The following ZNF592 variants were observed in gnomAD, a reference collection of about 807,000 sequenced individuals.
ZNF592 encodes zinc finger protein 592, also known as spinocerebellar ataxia, autosomal recessive 5.
ZNF592 carries 11 observed loss-of-function variants against 80.3 expected under a neutral mutation model. That is an observed-to-expected ratio of 0.14 (90% CI 0.09 to 0.23). ZNF592 has a LOEUF of 0.23. Among genes scored for constraint, ZNF592 ranks in the 10% least tolerant of loss-of-function variants. ZNF592 has a pLI of 1.00. For missense variants in ZNF592, 1,420 were observed against 1,633.9 expected, an observed-to-expected ratio of 0.87 and a Z score of 2.26; for synonymous variants, 646 against 640.3, an observed-to-expected ratio of 1.01 and a Z score of -0.13.
At position 84,802,001 on chromosome 15, in the gene ZNF592, G is replaced by A. The variant is rs763050953; in HGVS notation, c.3412G>A (p.Glu1138Lys). Residue 1138 changes from glutamate (E) to lysine (K), a missense_variant, in exon 11 of 11, where the codon GAG becomes AAG. Glu to Lys is a moderately conservative substitution (Grantham distance 56, BLOSUM62 1). Around this residue, in one of 7 missense-constraint regions of ZNF592, gnomAD observed 145 missense variants for 211.9 expected, o/e 0.68. Transcript: ENST00000560079. The part of the protein sequence containing the change: ...KCSFATDSGL[E>K]FQSHIPQHQV... ...TAGTTTTGCCACAGACTCGGGGCTC[G>A]AGTTTCAGAGCCACATACCTCAGCA... 6.8e-6 allele frequency: 11 copies of A among 1,613,812 alleles called. No individual in the cohort carries two copies. Among genetic ancestry groups the A allele is most frequent in the Middle Eastern group, 1.6e-4 (1 of 6,074 alleles).
Position 84,784,294 on chromosome 15 carries a change from T to C in ZNF592, c.1619T>C (p.Leu540Pro), listed in dbSNP as rs760542477. 16 of 1,614,146 alleles carry C rather than the reference T, an allele frequency of 9.9e-6. No homozygotes were observed. Among genetic ancestry groups the C allele is most frequent in the African/African-American group, 8.0e-5 (6 of 74,944 alleles). The change falls in exon 4 of 11, where the codon CTG becomes CCG. Residue 540 changes from leucine to proline, a missense_variant. Leu to Pro is a moderately conservative substitution (Grantham distance 98). Coordinates refer to ENST00000560079, the MANE Select transcript of ZNF592 (RefSeq NM_014630.3). This position sits in a 1 kb window ranked among gnomAD's most constrained non-coding sequence, Gnocchi z 5.8. ...CAGCTTACACAAATGTCGGTGCCCC[T>C]GGTCCACCAGGTGAAAAAGGCTGCC... Reference protein sequence around the residue: ...QPQLTQMSVPLVHQVKKAAPL... With the variant: ...QPQLTQMSVPPVHQVKKAAPL...
chr15:84,784,491 T>C lies in ZNF592; in HGVS notation c.1816T>C (p.Tyr606His). Residue 606 changes from tyrosine to histidine, a missense_variant, in exon 4 of 11, where the codon TAT (tyrosine) becomes CAT (histidine). Coordinates refer to ENST00000560079, the MANE Select transcript of ZNF592 (RefSeq NM_014630.3). This position sits in a 1 kb window ranked among gnomAD's most constrained non-coding sequence, Gnocchi z 5.8. ...CTTAGAGAAGAGCCTGAGCCAGCAC[T>C]ATGGCCGGCGGAGCGTCCACATTGA... ...FALEKSLSQH[Y>H]GRRSVHIEVL... 1 of 1,614,182 alleles carries C rather than the reference T, an allele frequency of 6.2e-7. No homozygotes were observed. The highest frequency in any genetic ancestry group is 8.5e-7 in the Non-Finnish European group (1 of 1,180,040).
intron 4 of ZNF592, among the ~76,000 whole-genome samples, chr15:84,785,333 ACGGAGT>A (rs1020174394): frequency 2.7e-5 from 4 of 149,590 alleles, no homozygotes; most frequent in Non-Finnish European, 5.9e-5. Flanking sequence ...TTTTCTTGAG[ACGGAGT>A]CTCACTCTGT....
At chr15:84,792,313 G>A (rs1962772122) in intron 5 of ZNF592, among the ~76,000 whole-genome samples, 1 of 151,468 alleles carries the variant, frequency 6.6e-6, no homozygotes, top group African/African-American at 2.4e-5. Context: ...ACATTTTCCA[G>A]CGGACATTGA....
In ZNF592 at chr15:84,798,438, G is replaced by T. The variant is rs139338244; in HGVS notation, c.2700G>T (p.Leu900Phe). 1.5e-4 allele frequency: 249 copies of T among 1,614,138 alleles called. No individual in the cohort carries two copies. Among genetic ancestry groups the T allele is most frequent in the Admixed American group, 6.7e-4 (40 of 60,022 alleles). The change falls in exon 7 of 11, where the codon TTG becomes TTT. Residue 900 changes from leucine (L) to phenylalanine (F), a missense_variant. Around this residue, in one of 7 missense-constraint regions of ZNF592, gnomAD observed 331 missense variants for 347.0 expected, o/e 0.95. Transcript: ENST00000560079. The surrounding 1 kb of genome is among the most constrained non-coding windows in gnomAD (Gnocchi z 4.5). Reference protein sequence around the residue: ...GVFKCPECPLLFVQKPELMQH... With the variant: ...GVFKCPECPLFFVQKPELMQH... Reference sequence around the variant, plus strand: ...TCAAGTGCCCTGAGTGCCCACTCTTGTTCGTGCAGAAGCCGGAGTTGATGC... The same window carrying T: ...TCAAGTGCCCTGAGTGCCCACTCTTTTTCGTGCAGAAGCCGGAGTTGATGC...
rs1962471812 is a variant in ZNF592, at chr15:84,783,199, G to T, written c.524G>T (p.Cys175Phe). The T allele has an allele frequency of 6.2e-7, 1 of 1,614,112 alleles. No individual in the cohort carries two copies. The highest frequency in any genetic ancestry group is 1.7e-5 in the Admixed American group (1 of 60,014). ...SDSYFPPPLG[C>F]GAVGGPVLEA... ...AGTTATTTCCCACCCCCTCTTGGGT[G>T]CGGGGCTGTGGGAGGCCCAGTCCTG... Residue 175 changes from cysteine (C) to phenylalanine (F), a missense_variant, in exon 4 of 11, where the codon TGC (cysteine) becomes TTC (phenylalanine). Coordinates refer to ENST00000560079, the MANE Select transcript of ZNF592 (RefSeq NM_014630.3). The surrounding 1 kb of genome is among the most constrained non-coding windows in gnomAD (Gnocchi z 5.0).
rs953458086 is a variant in ZNF592 at position 84,798,991 on chromosome 15, G to A, written c.3025-107G>A. 2 of 1,590,762 alleles carry A rather than the reference G, an allele frequency of 1.3e-6. No homozygotes were observed. Among genetic ancestry groups the A allele is most frequent in the Non-Finnish European group, 1.7e-6 (2 of 1,160,862 alleles). ...GCAGGGTGGGTACCACAGATCTTGA[G>A]GTCTTCGGGAGTATCCTCCTTTCTG... On this transcript the variant is annotated intron_variant, in intron 8 of 10. Transcript: ENST00000560079. This position sits in a 1 kb window ranked among gnomAD's most constrained non-coding sequence, Gnocchi z 4.5.
chr15:84,775,668 G>T (rs1315068991), intron 2 of ZNF592, among the ~76,000 whole-genome samples: 2 of 152,146 alleles, frequency 1.3e-5, no homozygotes, highest in Non-Finnish European at 2.9e-5. Context: ...GACCTCAAGT[G>T]ATCTGCCCAC....
At chr15:84,794,431 T>C (rs1294686556) in intron 5 of ZNF592, among the ~76,000 whole-genome samples, 4 of 152,188 alleles carry the variant, frequency 2.6e-5, no homozygotes, top group African/African-American at 9.7e-5. Flanking sequence ...AAATGGTATC[T>C]TGTTTCCCTG....
chr15:84,793,749 T>A (rs1281023405), intron 5 of ZNF592, among the ~76,000 whole-genome samples: 2 of 152,238 alleles, frequency 1.3e-5, no homozygotes, highest in Non-Finnish European at 2.9e-5. Flanking sequence ...ATAGCTCTTC[T>A]GGACATGTCA....
intron 5 of ZNF592, among the ~76,000 whole-genome samples, chr15:84,792,732 C>T (rs530840665): frequency 8.0e-4 from 122 of 152,272 alleles, no homozygotes; most frequent in Non-Finnish European, 1.4e-3. Context: ...GGATTACAGG[C>T]GTGAGCCACC....
chr15:84,762,665 A>G lies in ZNF592; in HGVS notation c.-258-2042A>G, dbSNP rs73455522. Among the ~76,000 whole-genome samples, 1,412 of 152,284 alleles carry G rather than the reference A, an allele frequency of 9.3e-3. 23 individuals carry two copies. Among genetic ancestry groups the G allele is most frequent in the African/African-American group, 0.033 (1,354 of 41,552 alleles). On this transcript the variant is annotated intron_variant, in intron 1 of 10. Transcript: ENST00000560079. ...CCCTGTATTTGGTGGAGAGATTTGAAGGGTAACTGTGAGTAGGAGACTTCA... is the reference window on the plus strand; with the variant it reads ...CCCTGTATTTGGTGGAGAGATTTGAGGGGTAACTGTGAGTAGGAGACTTCA...
intron 1 of ZNF592, among the ~76,000 whole-genome samples, chr15:84,761,117 C>A (rs888785397): frequency 2.0e-5 from 3 of 152,152 alleles, no homozygotes; most frequent in Admixed American, 6.5e-5. Flanking sequence ...GCATGCGTCA[C>A]CACACCTGGC....
In ZNF592 at chr15:84,798,667, G is replaced by T; in HGVS notation, c.2816G>T (p.Gly939Val). ...SSADTSSSRP[G>V]SRVPTEPPAT... The stretch of plus-strand genomic sequence containing the variant: ...GCGGACACATCCTCAAGCCGCCCTG[G>T]CTCTCGAGTTCCCACTGAGCCACCA... The change falls in exon 8 of 11, where the codon GGC becomes GTC. Residue 939 changes from glycine to valine, a missense_variant. Physicochemically the swap from Gly to Val is moderately radical, Grantham distance 109. Around this residue, in one of 7 missense-constraint regions of ZNF592, gnomAD observed 331 missense variants for 347.0 expected, o/e 0.95. Transcript: ENST00000560079. The surrounding 1 kb of genome is among the most constrained non-coding windows in gnomAD (Gnocchi z 4.5). 6.2e-7 allele frequency: 1 copy of T among 1,613,798 alleles called. No individual in the cohort carries two copies. Among genetic ancestry groups the T allele is most frequent in the Non-Finnish European group, 8.5e-7 (1 of 1,180,022 alleles).
intron 1 of ZNF592, among the ~76,000 whole-genome samples, chr15:84,760,004 A>G (rs942943609): frequency 2.1e-5 from 3 of 143,160 alleles, no homozygotes; most frequent in African/African-American, 7.7e-5. Flanking sequence ...CTTAGTTTAG[A>G]AAATTTGGGA....
intron 1 of ZNF592, 21 bp downstream of exon 1, chr15:84,748,685 G>A (rs1331994333): frequency 2.0e-5 from 3 of 147,856 alleles, no homozygotes; most frequent in Admixed American, 6.8e-5. Flanking sequence ...CCCGCGGGCC[G>A]GGCCGAGCGG....
chr15:84,755,081 C>T (rs959968030), intron 1 of ZNF592, among the ~76,000 whole-genome samples: 5 of 149,402 alleles, frequency 3.3e-5, no homozygotes, highest in South Asian at 2.1e-4. Flanking sequence ...TCTCAGCCTC[C>T]GGAGTAGCTG....
At position 84,799,398 on chromosome 15, in the gene ZNF592, GCTCCTGAGCC is replaced by G. The variant is rs1963029071; in HGVS notation, c.3137+192_3137+201del. On this transcript the variant is annotated intron_variant, in intron 9 of 10. Coordinates refer to ENST00000560079, the MANE Select transcript of ZNF592 (RefSeq NM_014630.3). The surrounding 1 kb of genome is among the most constrained non-coding windows in gnomAD (Gnocchi z 4.2). The stretch of plus-strand genomic sequence containing the variant: ...AAAAATCAGCTTCCAGAACCTGGTA[GCTCCTGAGCC>G]CTCTCTCGTCACTCTCTAGCCCAGG... 6.6e-6 allele frequency among the ~76,000 whole-genome samples: 1 copy of G among 152,198 alleles called. No individual in the cohort carries two copies. The highest frequency in any genetic ancestry group is 6.5e-5 in the Admixed American group (1 of 15,280).
chr15:84,772,606 A>T (rs1962116477), intron 2 of ZNF592, among the ~76,000 whole-genome samples: 1 of 152,186 alleles, frequency 6.6e-6, no homozygotes, highest in Non-Finnish European at 1.5e-5. Context: ...TGCAACACAA[A>T]TGATATCAGT....
Sources: gnomAD v4.1 joint callset for allele counts (sites outside exome capture counted in the v4.1 genomes callset) on GRCh38, gnomAD v4.1.1 for gene constraint, gnomAD v4.1.1 regional missense constraint, Gnocchi (gnomAD v3.1) non-coding constraint, MANE v1.5 for transcripts, NCBI Gene and HGNC (gene_info 2026-07-23, HGNC 2026-07-21) for gene names.